RUBCNL: variants seen among roughly 807,000 people sequenced by gnomAD.
RUBCNL encodes protein associated with UVRAG as autophagy enhancer.
In RUBCNL, 62 loss-of-function variants were observed where a neutral mutation model predicts 69.5. That is an observed-to-expected ratio of 0.89 (90% CI 0.73 to 1.10). The LOEUF (loss-of-function observed/expected upper bound fraction) is 1.10. RUBCNL is among the 50% of genes least tolerant of loss of function. The pLI, the probability that RUBCNL is intolerant of heterozygous loss-of-function variation, is 0.00. For synonymous variants in RUBCNL, 291 were observed against 303.6 expected (o/e 0.96, Z 0.43); for missense variants, 768 against 798.1 (o/e 0.96, Z 0.45).
intron 3 of RUBCNL, among the ~76,000 whole-genome samples, chr13:46,369,066 G>T (rs868372619): frequency 3.9e-5 from 6 of 152,144 alleles, no homozygotes; most frequent in Non-Finnish European, 8.8e-5. Context: ...GAGTGGAGGA[G>T]ACCAATGAGG....
Position 46,372,529 on chromosome 13 carries a change from G to A in RUBCNL, c.-54C>T. ...CATTCAAAACAGATAGGAGTTCCCT[G>A]ATTGCTGGTACTACTTGATTTGGGC... On this transcript the variant is annotated 5_prime_UTR_variant, in exon 3 of 15. Coordinates refer to ENST00000429979, the MANE Select transcript of RUBCNL (RefSeq NM_025113.5). 3 of 1,528,080 alleles carry A rather than the reference G, an allele frequency of 2.0e-6. No individual in the cohort carries two copies. The highest frequency in any genetic ancestry group is 2.0e-5 in the Admixed American group (1 of 50,276). 94.7% of individuals were successfully genotyped at this position (1,528,080 alleles called of 1,614,324 possible). A position where few individuals can be genotyped will look rare whatever the true frequency, so the allele number is the denominator to read the frequency against.
intron 1 of RUBCNL, among the ~76,000 whole-genome samples, chr13:46,381,382 T>C (rs988892419): frequency 6.6e-5 from 10 of 152,172 alleles, no homozygotes; most frequent in South Asian, 6.2e-4. Flanking sequence ...CATATATATA[T>C]ATATATAAAA....
intron 10 of RUBCNL, among the ~76,000 whole-genome samples, chr13:46,352,435 T>C (rs893351244): frequency 2.0e-5 from 3 of 152,198 alleles, no homozygotes; most frequent in Non-Finnish European, 4.4e-5. Flanking sequence ...AATGAAATCA[T>C]GGATGGGAAA....
chr13:46,381,604 C>A (rs181938544), intron 1 of RUBCNL, among the ~76,000 whole-genome samples: 20 of 152,052 alleles, frequency 1.3e-4, no homozygotes, highest in Admixed American at 1.2e-3. Flanking sequence ...GTTTTCGAGA[C>A]GGAGTTTCGC....
In RUBCNL at chr13:46,341,485, C is replaced by T. The variant is rs551580263; in HGVS notation, c.*1900G>A. Among the ~76,000 whole-genome samples, 2 of 152,134 alleles carry T rather than the reference C, an allele frequency of 1.3e-5. No individual in the cohort carries two copies. Among genetic ancestry groups the T allele is most frequent in the Non-Finnish European group, 2.9e-5 (2 of 68,040 alleles). On this transcript the variant is annotated 3_prime_UTR_variant, in exon 15 of 15. Coordinates refer to ENST00000429979, the MANE Select transcript of RUBCNL (RefSeq NM_025113.5). ...TCCCATACTGCAGTTATTTAAATGA[C>T]CTCATTCTTCCTCAAAATAGAAAAT...
chr13:46,337,248 T>G lies in RUBCNL; in HGVS notation c.*6137A>C, dbSNP rs1324393925. 6.6e-6 allele frequency among the ~76,000 whole-genome samples: 1 copy of G among 152,150 alleles called. No individual in the cohort carries two copies. The highest frequency in any genetic ancestry group is 1.5e-5 in the Non-Finnish European group (1 of 68,012). On this transcript the variant is annotated 3_prime_UTR_variant, in exon 15 of 15. Coordinates refer to ENST00000429979, the MANE Select transcript of RUBCNL (RefSeq NM_025113.5). Reference sequence around the variant, plus strand: ...ACCTTCAACTCCCTGGTTCAAGCGATTCTTCTGCCTCAGCCTCCCGAGTAG... The same window carrying G: ...ACCTTCAACTCCCTGGTTCAAGCGAGTCTTCTGCCTCAGCCTCCCGAGTAG...
intron 1 of RUBCNL, among the ~76,000 whole-genome samples, chr13:46,383,204 A>C (rs1042534761): frequency 6.6e-6 from 1 of 152,196 alleles, no homozygotes; most frequent in African/African-American, 2.4e-5. Context: ...AAAAACCTTC[A>C]ATTTGCTACA....
intron 14 of RUBCNL, among the ~76,000 whole-genome samples, chr13:46,344,445 T>C (rs1296902506): frequency 1.3e-5 from 2 of 152,098 alleles, no homozygotes; most frequent in Non-Finnish European, 2.9e-5. Flanking sequence ...AATGATCCAA[T>C]TACAAGACAG....
intron 10 of RUBCNL, chr13:46,350,670 T>C (rs971176224): frequency 7.7e-6 from 2 of 260,950 alleles, no homozygotes; most frequent in African/African-American, 4.4e-5. Flanking sequence ...TCTGGAAATC[T>C]GGGTGGGAGT....
At chr13:46,369,072 T>G (rs1241829230) in intron 3 of RUBCNL, among the ~76,000 whole-genome samples, 1 of 152,030 alleles carries the variant, frequency 6.6e-6, no homozygotes, top group African/African-American at 2.4e-5. Context: ...AGGAGACCAA[T>G]GAGGAAAAGA....
intron 1 of RUBCNL, among the ~76,000 whole-genome samples, chr13:46,384,087 C>T (rs1406490253): frequency 6.6e-6 from 1 of 152,196 alleles, no homozygotes; most frequent in African/African-American, 2.4e-5. Flanking sequence ...CACCATAAAA[C>T]CAAGCCTAAA....
intron 9 of RUBCNL, among the ~76,000 whole-genome samples, chr13:46,358,290 T>G (rs1199666669): frequency 6.6e-6 from 1 of 152,186 alleles, no homozygotes; most frequent in Non-Finnish European, 1.5e-5. Flanking sequence ...TCAACAACCC[T>G]CACCGGTCCC....
intron 1 of RUBCNL, among the ~76,000 whole-genome samples, chr13:46,381,636 G>A (rs980581713): frequency 6.6e-5 from 10 of 152,100 alleles, no homozygotes; most frequent in Admixed American, 3.9e-4. Context: ...AGGCTGGAGC[G>A]TAATGGTGCG....
chr13:46,380,092 A>G (rs2049086124), intron 1 of RUBCNL, among the ~76,000 whole-genome samples: 1 of 152,258 alleles, frequency 6.6e-6, no homozygotes, highest in Admixed American at 6.5e-5. Context: ...GGTATCACAA[A>G]GGACTCCACT....
At chr13:46,360,509 C>T (rs1007435133) in intron 8 of RUBCNL, among the ~76,000 whole-genome samples, 5 of 152,164 alleles carry the variant, frequency 3.3e-5, no homozygotes, top group East Asian at 3.9e-4. Context: ...CTCTGCTCAA[C>T]GGCATAGCAT....
Position 46,368,268 on chromosome 13 carries a change from A to T in RUBCNL, c.619-19T>A, listed in dbSNP as rs776493374. On this transcript the variant is annotated intron_variant, in intron 4 of 14. Coordinates refer to ENST00000429979, the MANE Select transcript of RUBCNL (RefSeq NM_025113.5). ...CATTTTCCTGCAGAAAAAGAAATCAATTAAAATACAAGCATAATCAACTTT... is the reference window on the plus strand; with the variant it reads ...CATTTTCCTGCAGAAAAAGAAATCATTTAAAATACAAGCATAATCAACTTT... 10 of 1,600,514 alleles carry T rather than the reference A, an allele frequency of 6.2e-6. No individual in the cohort carries two copies. The East Asian group carries it at 2.2e-4, about 36-fold the overall frequency.
intron 1 of RUBCNL, among the ~76,000 whole-genome samples, chr13:46,381,646 G>A (rs1294152068): frequency 1.3e-5 from 2 of 152,088 alleles, no homozygotes; most frequent in South Asian, 2.1e-4. Context: ...GTAATGGTGC[G>A]ATCTCGGCTC....
intron 7 of RUBCNL, among the ~76,000 whole-genome samples, chr13:46,362,204 T>C (rs1157173556): frequency 6.6e-6 from 1 of 152,084 alleles, no homozygotes; most frequent in Non-Finnish European, 1.5e-5. Context: ...GCCATTGCAC[T>C]CTACCCTGGG....
chr13:46,372,287 C>T lies in RUBCNL; in HGVS notation c.189G>A (p.Pro63=), dbSNP rs372162294. Residue 63 remains proline, a synonymous_variant, in exon 3 of 15, where the codon CCG becomes CCA. Transcript: ENST00000429979. ...WINPQDVQQQ[P]QDLQSQVPAA... Reference sequence around the variant, plus strand: ...CTGGCACCTGAGATTGCAAGTCCTGCGGCTGTTGCTGCACATCCTGGGGGT... The same window carrying T: ...CTGGCACCTGAGATTGCAAGTCCTGTGGCTGTTGCTGCACATCCTGGGGGT... 58 of 1,613,984 alleles carry T rather than the reference C, an allele frequency of 3.6e-5. No individual in the cohort carries two copies. Among genetic ancestry groups the T allele is most frequent in the South Asian group, 2.7e-4 (25 of 91,082 alleles).
Sources: gnomAD v4.1 joint callset for allele counts (sites outside exome capture counted in the v4.1 genomes callset) on GRCh38, gnomAD v4.1.1 for gene constraint, MANE v1.5 for transcripts, NCBI Gene and HGNC (gene_info 2026-07-23, HGNC 2026-07-21) for gene names.